UTS2B: variants seen among roughly 807,000 people sequenced by gnomAD.
The protein encoded by UTS2B is urotensin-2B.
UTS2B carries 21 observed loss-of-function variants against 19.2 expected under a neutral mutation model. The ratio of observed to expected loss-of-function variants is 1.09; its 90% CI spans 0.78 to 1.58. The LOEUF is 1.58. Among genes scored for constraint, UTS2B ranks in the 40% most tolerant of loss-of-function variants. UTS2B has a pLI of 0.00. For synonymous variants in UTS2B, 57 were observed against 50.2 expected, an observed-to-expected ratio of 1.14 and a Z score of -0.58; for missense variants, 138 against 130.3, an observed-to-expected ratio of 1.06 and a Z score of -0.29.
chr3:191,304,752 T>C (rs577761036), intron 3 of UTS2B, among the ~76,000 whole-genome samples: 1 of 152,318 alleles, frequency 6.6e-6, no homozygotes, highest in South Asian at 2.1e-4. Context: ...GGGTTTGTTA[T>C]ACACATTATT....
At chr3:191,326,772 G>A (rs1439990939) in intron 2 of UTS2B, among the ~76,000 whole-genome samples, 1 of 152,212 alleles carries the variant, frequency 6.6e-6, no homozygotes, top group Non-Finnish European at 1.5e-5. Context: ...CCGTGTTACT[G>A]TCAGTCCTTT....
At chr3:191,335,129 A>T (rs1252039471), upstream of UTS2B, among the ~76,000 whole-genome samples, 2 of 152,170 alleles carry the variant, frequency 1.3e-5, no homozygotes, top group African/African-American at 4.8e-5. Flanking sequence ...TTTTGTTGAG[A>T]TAAATAAATT....
At chr3:191,288,858 C>T (rs1267213063) in intron 4 of UTS2B, among the ~76,000 whole-genome samples, 1 of 152,130 alleles carries the variant, frequency 6.6e-6, no homozygotes, top group African/African-American at 2.4e-5. Flanking sequence ...TGAAAAGCTT[C>T]GTGACATTGA....
At chr3:191,274,747 A>G (rs1335134113) in intron 8 of UTS2B, among the ~76,000 whole-genome samples, 1 of 152,250 alleles carries the variant, frequency 6.6e-6, no homozygotes, top group East Asian at 1.9e-4. Context: ...AAACAGGAAT[A>G]CATTTTTTTC....
At chr3:191,293,018 A>G (rs1396861673) in intron 4 of UTS2B, among the ~76,000 whole-genome samples, 4 of 152,148 alleles carry the variant, frequency 2.6e-5, no homozygotes, top group Admixed American at 6.5e-5. Flanking sequence ...AAAAAAGAAT[A>G]AAGTTCTCAT....
upstream of UTS2B, among the ~76,000 whole-genome samples, chr3:191,330,721 CTTGT>C (rs1161477987): frequency 1.3e-5 from 2 of 152,166 alleles, no homozygotes; most frequent in Non-Finnish European, 2.9e-5. Context: ...CTTGGAACCG[CTTGT>C]TTTATTGCCA....
At position 191,276,804 on chromosome 3, in the gene UTS2B, C is replaced by T. The variant is rs1264558391; in HGVS notation, c.240+3G>A. The T allele has an allele frequency of 6.2e-7, 1 of 1,611,266 alleles. No homozygotes were observed. Among genetic ancestry groups the T allele is most frequent in the South Asian group, 1.1e-5 (1 of 90,618 alleles). On this transcript the variant is annotated splice_donor_region_variant and intron_variant, in intron 7 of 8. Coordinates refer to ENST00000340524, the MANE Select transcript of UTS2B (RefSeq NM_198152.5). Reference sequence around the variant, plus strand: ...TGCTCATTTAAGTATTTCACATTCTCACCTGGTTAAGTTCTTCCAGTTTGT... The same window carrying T: ...TGCTCATTTAAGTATTTCACATTCTTACCTGGTTAAGTTCTTCCAGTTTGT...
At chr3:191,271,201 A>T (rs1353929742) in intron 8 of UTS2B, among the ~76,000 whole-genome samples, 2 of 42,842 alleles carry the variant, frequency 4.7e-5, no homozygotes, top group Admixed American at 2.8e-4. Flanking sequence ...AGACTCTCTC[A>T]AAAAAAAAAA....
At chr3:191,332,569 A>G (rs575884553), upstream of UTS2B, among the ~76,000 whole-genome samples, 2 of 152,368 alleles carry the variant, frequency 1.3e-5, no homozygotes, top group South Asian at 4.1e-4. Flanking sequence ...TTTAAACTTC[A>G]GTAGGTCTAT....
chr3:191,314,999 C>T (rs544931409), intron 3 of UTS2B, among the ~76,000 whole-genome samples: 14 of 151,428 alleles, frequency 9.2e-5, no homozygotes, highest in Non-Finnish European at 1.6e-4. Context: ...CTGAGTTCTG[C>T]GTGCCACCCT....
At chr3:191,288,159 TGAATTA>T (rs1488847180) in intron 4 of UTS2B, among the ~76,000 whole-genome samples, 4 of 152,218 alleles carry the variant, frequency 2.6e-5, no homozygotes, top group Non-Finnish European at 4.4e-5. Flanking sequence ...CCTGCTTTCA[TGAATTA>T]GAATAATTAA....
chr3:191,287,546 T>C (rs986582901), intron 4 of UTS2B, among the ~76,000 whole-genome samples: 1 of 152,010 alleles, frequency 6.6e-6, no homozygotes, highest in Admixed American at 6.5e-5. Context: ...ATAAAATGTA[T>C]ATGATAAAAA....
At chr3:191,271,200 C>CAAAAAAAAAAAAA (rs66756396) in intron 8 of UTS2B, among the ~76,000 whole-genome samples, 2 of 52,740 alleles carry the variant, frequency 3.8e-5, no homozygotes, top group African/African-American at 1.4e-4. Flanking sequence ...GAGACTCTCT[C>CAAAAAAAAAAAAA]AAAAAAAAAA....
chr3:191,329,498 C>G, intron 1 of UTS2B: 1 of 548,920 alleles, frequency 1.8e-6, no homozygotes, highest in South Asian at 3.0e-5. Context: ...GGGACCGTCT[C>G]CCGCTGCTTT....
the UTS2B span, among the ~76,000 whole-genome samples, chr3:191,337,636 C>G: frequency 1.3e-5 from 2 of 152,000 alleles, no homozygotes; most frequent in Non-Finnish European, 2.9e-5. Flanking sequence ...AGCCACTGCA[C>G]CCAGCCTCTT....
In UTS2B at chr3:191,268,052, T is replaced by A. The variant is rs1194681702; in HGVS notation, c.*364A>T. ...TGAGGACGTTTACAACCCTATCTTA[T>A]CCATATGGACAGGCGCCTTCCATGC... On this transcript the variant is annotated 3_prime_UTR_variant, in exon 9 of 9. Transcript: ENST00000340524. 6.3e-6 allele frequency: 1 copy of A among 158,484 alleles called. No individual in the cohort carries two copies. Among genetic ancestry groups the A allele is most frequent in the Non-Finnish European group, 1.4e-5 (1 of 72,322 alleles). The allele number at this position is 158,484 out of a possible 1,614,324, so 9.8% of individuals were successfully genotyped here. A position where few individuals can be genotyped will look rare whatever the true frequency, so the allele number is the denominator to read the frequency against.
At position 191,291,748 on chromosome 3, in the gene UTS2B, G is replaced by A. The variant is rs115572305; in HGVS notation, c.-124-9435C>T. On this transcript the variant is annotated intron_variant, in intron 4 of 8. Transcript: ENST00000340524. The stretch of plus-strand genomic sequence containing the variant: ...ATTACATGCGTGAGCCACCGCGCCC[G>A]GCCTGATCTACTTTAAGTAAAGTTT... 7.4e-3 allele frequency among the ~76,000 whole-genome samples: 1,122 copies of A among 152,172 alleles called. 13 individuals carry two copies. Among genetic ancestry groups the A allele is most frequent in the African/African-American group, 0.026 (1,077 of 41,532 alleles).
In UTS2B at chr3:191,325,017, T is replaced by C. The variant is rs188909321; in HGVS notation, c.-586+3614A>G. On this transcript the variant is annotated intron_variant, in intron 2 of 8. Coordinates refer to ENST00000340524, the MANE Select transcript of UTS2B (RefSeq NM_198152.5). ...GTGAACCGAGATTGTGCCACTGCAC[T>C]CCAGCCTCAGTGACACAGTGAGACT... is the stretch of plus-strand genomic sequence containing the variant. 2.7e-3 allele frequency among the ~76,000 whole-genome samples: 417 copies of C among 152,078 alleles called. 1 individual carries two copies. The highest frequency in any genetic ancestry group is 4.7e-3 in the Admixed American group (72 of 15,280).
chr3:191,341,078 A>G, the UTS2B span, among the ~76,000 whole-genome samples: 2 of 151,836 alleles, frequency 1.3e-5, no homozygotes, highest in Admixed American at 1.3e-4. Flanking sequence ...CTCCCAGCTT[A>G]GCCTGCACTG....
Sources: gnomAD v4.1 joint callset for allele counts (sites outside exome capture counted in the v4.1 genomes callset) on GRCh38, gnomAD v4.1.1 for gene constraint, MANE v1.5 for transcripts, NCBI Gene and HGNC (gene_info 2026-07-23, HGNC 2026-07-21) for gene names.